Variants in STPG4 observed in about 807,000 individuals in gnomAD.
The protein encoded by STPG4 is sperm-tail PG-rich repeat containing 4.
A neutral mutation model predicts 31.5 loss-of-function variants in STPG4; 41 were observed. The observed-to-expected ratio is 1.30, with a 90% CI of 1.01 to 1.69. The LOEUF (loss-of-function observed/expected upper bound fraction) is 1.69, where lower values mean the gene tolerates loss of function less well. Ranked by LOEUF, STPG4 falls within the 40% of genes most tolerant of loss-of-function variation. STPG4 has a pLI of 0.00. For synonymous variants in STPG4, 141 were observed against 103.0 expected, an observed-to-expected ratio of 1.37 and a Z score of -2.24; for missense variants, 375 against 293.4, an observed-to-expected ratio of 1.28 and a Z score of -2.03.
At chr2:47,097,200 AC>A (rs1685691229) in intron 5 of STPG4, among the ~76,000 whole-genome samples, 1 of 152,152 alleles carries the variant, frequency 6.6e-6, no homozygotes, top group Non-Finnish European at 1.5e-5. Flanking sequence ...GATCATGTAA[AC>A]TCATGAGGAA....
intron 5 of STPG4, among the ~76,000 whole-genome samples, chr2:47,097,894 G>C (rs548086618): frequency 2.0e-5 from 3 of 149,774 alleles, no homozygotes; most frequent in Non-Finnish European, 3.0e-5. Context: ...CACGTGGGTA[G>C]ATCTCTTGAG....
rs562653370 is a variant in STPG4 at position 47,093,210 on chromosome 2, C to A, written c.520-2836G>T. ...ATGGAGTCTGTTATTATCAGCCAAG[C>A]ACACATCTGATAATCAAGGGATAGA... is the stretch of plus-strand genomic sequence containing the variant. On this transcript the variant is annotated intron_variant, in intron 5 of 6. Transcript: ENST00000445927. 2.6e-5 allele frequency among the ~76,000 whole-genome samples: 4 copies of A among 152,324 alleles called. No individual in the cohort carries two copies. The South Asian group carries it at 8.3e-4, about 32-fold the overall frequency.
intron 2 of STPG4, among the ~76,000 whole-genome samples, chr2:47,152,748 C>G (rs815810): frequency 0.089 from 13,587 of 152,216 alleles, 756 homozygotes; most frequent in East Asian, 0.12. Flanking sequence ...AATTGTTTAA[C>G]TTTCCCAAGC....
chr2:47,088,284 G>A (rs1173980376), intron 6 of STPG4, among the ~76,000 whole-genome samples: 4 of 152,208 alleles, frequency 2.6e-5, no homozygotes, highest in Admixed American at 2.6e-4. Flanking sequence ...CTCTTCTGCA[G>A]TGATAAAATA....
intron 5 of STPG4, among the ~76,000 whole-genome samples, chr2:47,114,229 G>T (rs890471083): frequency 2.6e-5 from 4 of 152,024 alleles, no homozygotes; most frequent in African/African-American, 9.7e-5. Context: ...AATAAGCCAG[G>T]TGTGGTGGCT....
At chr2:47,135,199 A>T (rs901058327) in intron 3 of STPG4, among the ~76,000 whole-genome samples, 3 of 152,204 alleles carry the variant, frequency 2.0e-5, no homozygotes, top group African/African-American at 7.2e-5. Context: ...TTCCAAAGAA[A>T]TCCAATTTAT....
rs116543293 is a variant in STPG4, at chr2:47,147,125, T to C, written c.399+4133A>G. Among the ~76,000 whole-genome samples, 308 of 152,098 alleles carry C rather than the reference T, an allele frequency of 2.0e-3. 2 individuals are homozygous for C. Among genetic ancestry groups the C allele is most frequent in the African/African-American group, 7.3e-3 (302 of 41,480 alleles). Reference sequence around the variant, plus strand: ...CTGTACTGTAGCCTCGGTGACAGTGTCTTAAATAAATAAATAAATAGGATA... The same window carrying C: ...CTGTACTGTAGCCTCGGTGACAGTGCCTTAAATAAATAAATAAATAGGATA... On this transcript the variant is annotated intron_variant, in intron 3 of 6. Transcript: ENST00000445927.
At chr2:47,121,611 TTAC>T (rs1202102573) in intron 5 of STPG4, among the ~76,000 whole-genome samples, 4 of 152,174 alleles carry the variant, frequency 2.6e-5, no homozygotes, top group African/African-American at 9.7e-5. Context: ...CTATAACAAA[TTAC>T]TACAAATTCA....
At chr2:47,131,561 G>C (rs905937362) in intron 3 of STPG4, among the ~76,000 whole-genome samples, 1 of 152,200 alleles carries the variant, frequency 6.6e-6, no homozygotes, top group Non-Finnish European at 1.5e-5. Context: ...CAGCAGGAGT[G>C]AGAGGCACCT....
At chr2:47,150,141 C>T (rs1686905938) in intron 3 of STPG4, among the ~76,000 whole-genome samples, 1 of 152,178 alleles carries the variant, frequency 6.6e-6, no homozygotes, top group Admixed American at 6.5e-5. Context: ...AAGAAGGAAG[C>T]AACTAAGAGA....
chr2:47,114,641 T>C (rs1185793138), intron 5 of STPG4, among the ~76,000 whole-genome samples: 1 of 152,242 alleles, frequency 6.6e-6, no homozygotes, highest in African/African-American at 2.4e-5. Flanking sequence ...ATAACACAAA[T>C]TATCCAATGA....
At chr2:47,108,636 TC>T (rs368632915) in intron 5 of STPG4, 278 of 154,142 alleles carry the variant, frequency 1.8e-3, no homozygotes, top group African/African-American at 5.7e-3. Context: ...ATGAGCACCC[TC>T]TTTTTGCAGT....
chr2:47,149,823 GTCACAAC>G (rs1289118630), intron 3 of STPG4, among the ~76,000 whole-genome samples: 2 of 152,322 alleles, frequency 1.3e-5, no homozygotes, highest in African/African-American at 4.8e-5. Flanking sequence ...CAAAGTCCAA[GTCACAAC>G]TCTTATCCCT....
chr2:47,101,943 G>C (rs542298768), intron 5 of STPG4, among the ~76,000 whole-genome samples: 1 of 151,730 alleles, frequency 6.6e-6, no homozygotes, highest in Admixed American at 6.6e-5. Context: ...TCGAGAATGT[G>C]TCGGTAAGGG....
intron 6 of STPG4, among the ~76,000 whole-genome samples, chr2:47,087,472 C>T (rs36080645): frequency 0.12 from 18,596 of 152,242 alleles, 1,334 homozygotes; most frequent in South Asian, 0.27. Flanking sequence ...AACTCCTATC[C>T]CGAGGAATGC....
chr2:47,134,064 A>ACATATT (rs1323516028), intron 3 of STPG4, among the ~76,000 whole-genome samples: 1 of 152,192 alleles, frequency 6.6e-6, no homozygotes, highest in African/African-American at 2.4e-5. Flanking sequence ...ATATACATAT[A>ACATATT]CTTGACTTTA....
At position 47,087,254 on chromosome 2, in the gene STPG4, C is replaced by T. The variant is rs1685475409; in HGVS notation, c.625-124G>A. The T allele has an allele frequency of 2.7e-6, 3 of 1,104,932 alleles. No homozygotes were observed. In the Admixed American group the frequency reaches 7.7e-5, roughly 29 times the overall value. The allele number at this position is 1,104,932 out of a possible 1,614,324, so 68.4% of individuals were successfully genotyped here. On this transcript the variant is annotated intron_variant, in intron 6 of 6. Coordinates refer to ENST00000445927, the MANE Select transcript of STPG4 (RefSeq NM_001163561.2). ...CCCAAGGATGAAGACCAGGGCCACA[C>T]CAGCCTGGGCTGAAGCCTGGCAGAC...
chr2:47,153,385 TG>T (rs1311009299), intron 1 of STPG4, among the ~76,000 whole-genome samples: 1 of 152,202 alleles, frequency 6.6e-6, no homozygotes, highest in Non-Finnish European at 1.5e-5. Context: ...CTAGGTGCAC[TG>T]GGTGAGTTAC....
intron 5 of STPG4, among the ~76,000 whole-genome samples, chr2:47,097,500 G>T (rs142049537): frequency 6.6e-6 from 1 of 152,010 alleles, no homozygotes; most frequent in East Asian, 1.9e-4. Context: ...GGACTCCTGC[G>T]CTTATAAAAG....
Sources: allele counts gnomAD v4.1 joint callset (sites outside exome capture counted in the v4.1 genomes callset), GRCh38; gene constraint gnomAD v4.1.1; transcripts MANE v1.5; gene names NCBI Gene and HGNC (gene_info 2026-07-23, HGNC 2026-07-21).